Variants in EXT1 observed in about 807,000 individuals in gnomAD.
EXT1 encodes the protein exostosin glycosyltransferase 1.
In EXT1, 20 loss-of-function variants were observed where a neutral mutation model predicts 82.5. That is an observed-to-expected ratio of 0.24 (90% CI 0.17 to 0.35). EXT1 has a LOEUF of 0.35. EXT1 is among the 10% of genes least tolerant of loss of function. The pLI, the probability that EXT1 is intolerant of heterozygous loss-of-function variation, is 1.00. For synonymous variants in EXT1, 348 were observed against 350.8 expected (o/e 0.99, Z 0.09); for missense variants, 757 against 936.5 (o/e 0.81, Z 2.50).
intron 1 of EXT1, among the ~76,000 whole-genome samples, chr8:117,931,104 C>T (rs1437677680): frequency 6.6e-6 from 1 of 152,212 alleles, no homozygotes; most frequent in Non-Finnish European, 1.5e-5. Context: ...TTGTTTAACA[C>T]ATAATCAAGA....
At chr8:118,098,547 G>C (rs1240342955) in intron 1 of EXT1, among the ~76,000 whole-genome samples, 1 of 152,040 alleles carries the variant, frequency 6.6e-6, no homozygotes, top group Non-Finnish European at 1.5e-5. Flanking sequence ...ACGAGGTCAG[G>C]AGATCAAGAC....
intron 1 of EXT1, among the ~76,000 whole-genome samples, chr8:118,087,351 A>G (rs938524091): frequency 2.6e-5 from 4 of 152,112 alleles, no homozygotes; most frequent in African/African-American, 9.7e-5. Flanking sequence ...TAAAACTAAA[A>G]CCTTAGCTTC....
intron 1 of EXT1, among the ~76,000 whole-genome samples, chr8:117,878,928 G>T (rs1402083978): frequency 6.6e-6 from 1 of 152,214 alleles, no homozygotes; most frequent in African/African-American, 2.4e-5. Context: ...TTCATGGTGA[G>T]ACCCACGCTG....
At chr8:117,832,528 A>AAAAAG (rs569767804) in intron 3 of EXT1, among the ~76,000 whole-genome samples, 41 of 151,294 alleles carry the variant, frequency 2.7e-4, no homozygotes, top group Non-Finnish European at 4.1e-4. Context: ...CTTAAAAAAA[A>AAAAAG]AAAAGAAAAG....
At chr8:118,108,171 G>A (rs986940521) in intron 1 of EXT1, among the ~76,000 whole-genome samples, 23 of 152,248 alleles carry the variant, frequency 1.5e-4, no homozygotes, top group African/African-American at 5.1e-4. Context: ...CACAGAAAAC[G>A]TAGAAACGTA....
chr8:117,829,330 C>T (rs867427063), intron 4 of EXT1, among the ~76,000 whole-genome samples: 7 of 152,014 alleles, frequency 4.6e-5, no homozygotes, highest in African/African-American at 7.2e-5. Context: ...TGAGGACGGG[C>T]GCCCATCTGC....
At chr8:118,095,325 T>C (rs1455442061) in intron 1 of EXT1, among the ~76,000 whole-genome samples, 1 of 152,216 alleles carries the variant, frequency 6.6e-6, no homozygotes, top group Non-Finnish European at 1.5e-5. Flanking sequence ...AGCATTGAGG[T>C]ACTTAAATTT....
intron 1 of EXT1, among the ~76,000 whole-genome samples, chr8:117,956,098 T>G (rs1814580347): frequency 1.3e-5 from 2 of 152,086 alleles, no homozygotes; most frequent in African/African-American, 4.8e-5. Context: ...TGCCATCTAT[T>G]TTAAGCATTA....
At chr8:117,814,019 GAGA>G (rs772534308) in intron 7 of EXT1, among the ~76,000 whole-genome samples, 53 of 149,402 alleles carry the variant, frequency 3.5e-4, no homozygotes, top group Admixed American at 2.0e-3. Context: ...AACAAAAAAA[GAGA>G]AGAAGAAGAA....
chr8:118,014,630 G>C (rs920189069), intron 1 of EXT1, among the ~76,000 whole-genome samples: 2 of 151,920 alleles, frequency 1.3e-5, no homozygotes, highest in African/African-American at 4.8e-5. Flanking sequence ...AATAGAGATG[G>C]AGTCTTGCTA....
intron 1 of EXT1, among the ~76,000 whole-genome samples, chr8:118,007,942 G>A (rs187972494): frequency 6.6e-6 from 1 of 152,176 alleles, no homozygotes; most frequent in East Asian, 1.9e-4. Context: ...GAGGAGGCAC[G>A]CAGGTGGAAG....
At chr8:118,078,832 GA>G (rs1380521508) in intron 1 of EXT1, among the ~76,000 whole-genome samples, 18 of 152,254 alleles carry the variant, frequency 1.2e-4, no homozygotes, top group South Asian at 4.1e-4. Flanking sequence ...AGTCTCAAGT[GA>G]AAGACAAATT....
intron 1 of EXT1, among the ~76,000 whole-genome samples, chr8:117,929,642 G>T (rs1814013542): frequency 6.6e-6 from 1 of 152,150 alleles, no homozygotes. Flanking sequence ...GCTTCTATTA[G>T]GGACATAGGG....
intron 1 of EXT1, among the ~76,000 whole-genome samples, chr8:117,971,555 T>C (rs1458747590): frequency 2.6e-5 from 4 of 152,218 alleles, no homozygotes; most frequent in Non-Finnish European, 4.4e-5. Flanking sequence ...TTGAGCTTTA[T>C]ATATTAATGA....
At chr8:117,865,413 A>G (rs1262034866) in intron 1 of EXT1, among the ~76,000 whole-genome samples, 1 of 152,192 alleles carries the variant, frequency 6.6e-6, no homozygotes, top group Non-Finnish European at 1.5e-5. Flanking sequence ...CCAGTGGTAA[A>G]GAGGAGCCTA....
chr8:117,930,036 C>T (rs962181658), intron 1 of EXT1, among the ~76,000 whole-genome samples: 9 of 151,420 alleles, frequency 5.9e-5, no homozygotes, highest in South Asian at 2.1e-4. Context: ...ACCTGGGAGG[C>T]GGAGGTTGCA....
At chr8:117,908,168 A>G (rs555556423) in intron 1 of EXT1, among the ~76,000 whole-genome samples, 2 of 152,354 alleles carry the variant, frequency 1.3e-5, no homozygotes, top group South Asian at 4.1e-4. Flanking sequence ...CTTTAAGCAA[A>G]CAAATGCTAT....
chr8:118,073,632 A>AAGAAGAGAAGAGAAGAGAAGAGAG lies in EXT1; in HGVS notation c.962+36452_962+36453insCTCTCTTCTCTTCTCTTCTCTTCT, dbSNP rs1817141447. 5.6e-5 allele frequency among the ~76,000 whole-genome samples: 5 copies of AAGAAGAGAAGAGAAGAGAAGAGAG among 89,530 alleles called. No homozygotes were observed. In the East Asian group the frequency reaches 1.8e-3, roughly 32 times the overall value. 58.7% of individuals were successfully genotyped at this position (89,530 alleles called of 152,430 possible). ...GAGGAAAGGAAGAGAAGAGAAGAGA[A>AAGAAGAGAAGAGAAGAGAAGAGAG]AGAAGAGAAGAGAAGAGAAGAGAAG... On this transcript the variant is annotated intron_variant, in intron 1 of 10. Coordinates refer to ENST00000378204, the MANE Select transcript of EXT1 (RefSeq NM_000127.3).
intron 1 of EXT1, among the ~76,000 whole-genome samples, chr8:118,090,470 C>T (rs1286986242): frequency 6.6e-6 from 1 of 151,696 alleles, no homozygotes; most frequent in Non-Finnish European, 1.5e-5. Flanking sequence ...GCTGAAGCCA[C>T]TCTGTAGAAA....
Sources: gnomAD v4.1 joint callset for allele counts (sites outside exome capture counted in the v4.1 genomes callset) on GRCh38, gnomAD v4.1.1 for gene constraint, MANE v1.5 for transcripts, NCBI Gene and HGNC (gene_info 2026-07-23, HGNC 2026-07-21) for gene names.